The following SLC9D1 variants were observed in gnomAD, a reference collection of about 807,000 sequenced individuals.
SLC9D1 encodes the protein solute carrier family 9 member D1, also known as putative LAG1-interacting protein.
chr13:113,548,154 T>C, the SLC9D1 span: 1 of 818,284 alleles, frequency 1.2e-6, no homozygotes, highest in East Asian at 2.6e-5. Context: ...CTTCGGGTGT[T>C]TGGAGTGCTT....
chr13:113,512,797 A>G, the SLC9D1 span, among the ~76,000 whole-genome samples: 152 of 84,620 alleles, frequency 1.8e-3, no homozygotes, highest in Middle Eastern at 0.014. Context: ...GAAGGGGGCC[A>G]GAGTGTAGAC....
the SLC9D1 span, chr13:113,498,463 A>T: frequency 1.9e-6 from 3 of 1,592,960 alleles, no homozygotes; most frequent in Non-Finnish European, 2.6e-6. Context: ...GATGTAAGAA[A>T]GGCAGCGGAT....
the SLC9D1 span, chr13:113,533,937 G>A: frequency 2.5e-6 from 2 of 795,220 alleles, no homozygotes; most frequent in Non-Finnish European, 4.2e-6. Context: ...GTATGATTCA[G>A]GTAATTTATT....
At chr13:113,491,775 C>T in the SLC9D1 span, among the ~76,000 whole-genome samples, 1 of 152,264 alleles carries the variant, frequency 6.6e-6, no homozygotes, top group African/African-American at 2.4e-5. Context: ...GGCCCCCCTC[C>T]TGTGACTCCT....
At chr13:113,542,544 C>CT in the SLC9D1 span, among the ~76,000 whole-genome samples, 1 of 152,242 alleles carries the variant, frequency 6.6e-6, no homozygotes, top group African/African-American at 2.4e-5. Context: ...GCCACAGAAA[C>CT]TAACATGTCA....
the SLC9D1 span, among the ~76,000 whole-genome samples, chr13:113,519,617 T>G: frequency 1.3e-5 from 2 of 152,190 alleles, no homozygotes; most frequent in Non-Finnish European, 2.9e-5. Flanking sequence ...GGGCCCGCCT[T>G]GGTCACACAG....
the SLC9D1 span, among the ~76,000 whole-genome samples, chr13:113,499,121 G>C: frequency 6.6e-6 from 1 of 152,202 alleles, no homozygotes; most frequent in Non-Finnish European, 1.5e-5. Context: ...GTAACTTCCA[G>C]ATGTTGCCAT....
the SLC9D1 span, among the ~76,000 whole-genome samples, chr13:113,538,680 CT>C: frequency 6.6e-6 from 1 of 151,776 alleles, no homozygotes; most frequent in Non-Finnish European, 1.5e-5. Context: ...AATCGTAGTT[CT>C]TTACAAGTTT....
At chr13:113,506,832 G>T in the SLC9D1 span, among the ~76,000 whole-genome samples, 1 of 152,194 alleles carries the variant, frequency 6.6e-6, no homozygotes, top group Non-Finnish European at 1.5e-5. Flanking sequence ...TAAGGTGGAG[G>T]TAATTGTGAG....
the SLC9D1 span, among the ~76,000 whole-genome samples, chr13:113,515,099 T>A: frequency 6.6e-6 from 1 of 152,242 alleles, no homozygotes; most frequent in Non-Finnish European, 1.5e-5. Flanking sequence ...GGAATGTAAA[T>A]TGGTTCAGCC....
the SLC9D1 span, among the ~76,000 whole-genome samples, chr13:113,523,437 T>A: frequency 2.6e-5 from 4 of 152,224 alleles, no homozygotes; most frequent in Non-Finnish European, 5.9e-5. Flanking sequence ...GATTTATATA[T>A]ACAGAGTTTT....
the SLC9D1 span, among the ~76,000 whole-genome samples, chr13:113,491,938 C>T: frequency 2.5e-3 from 380 of 152,364 alleles, no homozygotes; most frequent in African/African-American, 8.6e-3. Flanking sequence ...AAAGGAGTGT[C>T]TTAATGATTG....
At chr13:113,495,475 C>T in the SLC9D1 span, 5 of 754,644 alleles carry the variant, frequency 6.6e-6, no homozygotes, top group Non-Finnish European at 1.1e-5. Context: ...CATTGTTTAA[C>T]TATGTGTGAC....
At chr13:113,525,940 G>A in the SLC9D1 span, among the ~76,000 whole-genome samples, 2 of 150,442 alleles carry the variant, frequency 1.3e-5, no homozygotes, top group East Asian at 2.0e-4. Flanking sequence ...GCTCTGTGCC[G>A]GTTATTCTAG....
chr13:113,499,366 G>A, the SLC9D1 span, among the ~76,000 whole-genome samples: 1 of 152,156 alleles, frequency 6.6e-6, no homozygotes, highest in Non-Finnish European at 1.5e-5. Flanking sequence ...GACTAAGAAT[G>A]CCTGTCCCGG....
chr13:113,502,502 C>T, the SLC9D1 span, among the ~76,000 whole-genome samples: 1 of 152,184 alleles, frequency 6.6e-6, no homozygotes, highest in African/African-American at 2.4e-5. Flanking sequence ...CATGAGCCAC[C>T]CTGCCTGGCC....
At chr13:113,540,715 C>T in the SLC9D1 span, among the ~76,000 whole-genome samples, 2 of 152,214 alleles carry the variant, frequency 1.3e-5, no homozygotes, top group South Asian at 2.1e-4. Flanking sequence ...CTTTGCTGGG[C>T]GGAAGCTCCT....
the SLC9D1 span, chr13:113,548,257 G>C: frequency 6.2e-7 from 1 of 1,606,702 alleles, no homozygotes. Flanking sequence ...GTTTAACTCT[G>C]TGTGGGTCCA....
chr13:113,495,441 A>G, the SLC9D1 span: 1 of 597,824 alleles, frequency 1.7e-6, no homozygotes, highest in African/African-American at 1.8e-5. Context: ...TGATTATTTA[A>G]TACTCTGATC....
Sources: gnomAD v4.1 joint callset for allele counts (sites outside exome capture counted in the v4.1 genomes callset) on GRCh38, gnomAD v4.1.1 for gene constraint, MANE v1.5 for transcripts, NCBI Gene and HGNC (gene_info 2026-07-23, HGNC 2026-07-21) for gene names.